The following MFSD12 variants were observed in gnomAD, a reference collection of about 807,000 sequenced individuals.
MFSD12 encodes the protein major facilitator superfamily domain containing 12.
MFSD12 carries 67 observed loss-of-function variants against 51.2 expected under a neutral mutation model. The ratio of observed to expected loss-of-function variants is 1.31; its 90% CI spans 1.08 to 1.60. The LOEUF (loss-of-function observed/expected upper bound fraction) is 1.60. Among genes scored for constraint, MFSD12 ranks in the 40% most tolerant of loss-of-function variants. The pLI is 0.00. For missense variants in MFSD12, 921 were observed against 673.0 expected (o/e 1.37, Z -4.08); for synonymous variants, 441 against 316.7 (o/e 1.39, Z -4.17).
chr19:3,542,463 A>G, downstream of MFSD12: 1 of 985,060 alleles, frequency 1.0e-6, no homozygotes, highest in Non-Finnish European at 1.2e-6. Flanking sequence ...AGCATAAAAC[A>G]TCTTTGAGTC....
At chr19:3,543,219 C>T, downstream of MFSD12, 3 of 1,539,314 alleles carry the variant, frequency 1.9e-6, no homozygotes, top group Non-Finnish European at 1.7e-6. Flanking sequence ...AGTCTCTGCC[C>T]CCTGCCCACC....
At chr19:3,553,504 C>T (rs551437816) in intron 1 of MFSD12, among the ~76,000 whole-genome samples, 1 of 149,696 alleles carries the variant, frequency 6.7e-6, no homozygotes, top group Non-Finnish European at 1.5e-5. Context: ...CGCGGTGGCT[C>T]ACGCCTGTAA....
intron 2 of MFSD12, among the ~76,000 whole-genome samples, chr19:3,549,449 C>T (rs190899762): frequency 1.2e-3 from 183 of 152,192 alleles, no homozygotes; most frequent in African/African-American, 3.6e-3. Context: ...ACTGGCCAGG[C>T]GCGGTGGCTC....
Position 3,546,306 on chromosome 19 carries a change from G to T in MFSD12, c.1143C>A (p.Thr381=). The T allele has an allele frequency of 1.9e-6, 3 of 1,609,922 alleles. No individual in the cohort carries two copies. Among genetic ancestry groups the T allele is most frequent in the South Asian group, 1.1e-5 (1 of 90,696 alleles). The stretch of plus-strand genomic sequence containing the variant: ...TCATGGCCAGCGAGGTGACGAGGAT[G>T]GTGGCACAGCCAGCACCCAGCAGCA... The part of the protein sequence containing the change: ...AAVLLGAGCA[T]ILVTSLAMTA... The change falls in exon 7 of 10, where the codon ACC becomes ACA. Residue 381 remains threonine (T), a synonymous_variant. Transcript: ENST00000355415.
At chr19:3,542,440 A>G, downstream of MFSD12, 2 of 985,418 alleles carry the variant, frequency 2.0e-6, no homozygotes, top group South Asian at 9.4e-5. Flanking sequence ...CATATTCCCA[A>G]GAGCAAGGTC....
At position 3,548,018 on chromosome 19, in the gene MFSD12, GC is replaced by G. The variant is rs1260696820; in HGVS notation, c.666del (p.Leu223TrpfsTer63). 4 of 1,599,514 alleles carry G rather than the reference GC, an allele frequency of 2.5e-6. No homozygotes were observed. Among genetic ancestry groups the G allele is most frequent in the Non-Finnish European group, 3.4e-6 (4 of 1,179,414 alleles). On this transcript the variant is annotated frameshift_variant, in exon 4 of 10. Coordinates refer to ENST00000355415, the MANE Select transcript of MFSD12 (RefSeq NM_174983.5). LOFTEE classifies it high-confidence loss of function. ...AACACGGCGCCGACACCCACCACCA[GC>G]AGGGACAGGTTCTGGGGATGCAGCA... ...QDVPVFRNLS[L>X]LVVGVGAVFS...
At chr19:3,546,958 C>T (rs969746984) in intron 6 of MFSD12, among the ~76,000 whole-genome samples, 3 of 152,112 alleles carry the variant, frequency 2.0e-5, no homozygotes, top group African/African-American at 4.8e-5. Context: ...CTCAGCCTCC[C>T]GAATAGCTGG....
intron 1 of MFSD12, among the ~76,000 whole-genome samples, chr19:3,553,806 G>A (rs1175707887): frequency 6.6e-6 from 1 of 151,468 alleles, no homozygotes; most frequent in Non-Finnish European, 1.5e-5. Context: ...AAGAGGCTGG[G>A]TGCGGTGGCT....
chr19:3,556,033 AGG>A (rs899398682), intron 1 of MFSD12, among the ~76,000 whole-genome samples: 1 of 152,120 alleles, frequency 6.6e-6, no homozygotes, highest in Non-Finnish European at 1.5e-5. Flanking sequence ...CCCCAGACCT[AGG>A]GGGTCCCTGA....
intron 2 of MFSD12, among the ~76,000 whole-genome samples, chr19:3,549,299 C>G (rs2031317100): frequency 1.3e-5 from 2 of 152,216 alleles, no homozygotes; most frequent in Non-Finnish European, 2.9e-5. Context: ...CCCGTGGCAG[C>G]AGCAGCTGTA....
chr19:3,548,367 C>T, intron 2 of MFSD12, 100 bp from the exon 3 acceptor site: 1 of 1,459,794 alleles, frequency 6.9e-7, no homozygotes, highest in East Asian at 2.5e-5. Flanking sequence ...GAACCCCTGA[C>T]TGACAGGTGA....
downstream of MFSD12, chr19:3,543,712 G>A: frequency 6.7e-7 from 1 of 1,502,246 alleles, no homozygotes; most frequent in Non-Finnish European, 8.9e-7. Flanking sequence ...GTCCTTGGGA[G>A]GCCAGGGGGA....
At chr19:3,556,503 C>T (rs1373434313) in intron 1 of MFSD12, among the ~76,000 whole-genome samples, 3 of 151,250 alleles carry the variant, frequency 2.0e-5, no homozygotes. Flanking sequence ...AGGCTCATGG[C>T]TCAGGCAGAT....
downstream of MFSD12, chr19:3,542,767 G>C: frequency 5.9e-6 from 8 of 1,360,426 alleles, no homozygotes; most frequent in Non-Finnish European, 7.8e-6. Flanking sequence ...ACAAGCGTGA[G>C]CCACACACCT....
chr19:3,538,439 C>T, exon 5 of MFSD12: 1 of 319,966 alleles, frequency 3.1e-6, no homozygotes, highest in South Asian at 2.4e-5. Context: ...CACCTAGTCA[C>T]CCCCAGGTCC....
intron 1 of MFSD12, among the ~76,000 whole-genome samples, chr19:3,553,717 A>C (rs1599840471): frequency 1.0e-5 from 1 of 96,252 alleles, no homozygotes; most frequent in Admixed American, 1.4e-4. Flanking sequence ...TTGCAGTGAG[A>C]CTCCATCTCT....
Position 3,557,414 on chromosome 19 carries a change from G to A in MFSD12, c.-11C>T. ...GGGTCCCGGGCCCATCGCGGCGCCG[G>A]GCCCGCGCCCCCCACCCCCGGGCTC... On this transcript the variant is annotated 5_prime_UTR_variant, in exon 1 of 10. Transcript: ENST00000355415. The A allele has an allele frequency of 3.3e-6, 4 of 1,221,298 alleles. No homozygotes were observed. The highest frequency in any genetic ancestry group is 3.1e-6 in the Non-Finnish European group (3 of 976,650). 75.7% of individuals were successfully genotyped at this position (1,221,298 alleles called of 1,614,324 possible). A position where few individuals can be genotyped will look rare whatever the true frequency, so the allele number is the denominator to read the frequency against.
At chr19:3,539,293 G>T, downstream of MFSD12, 4 of 1,314,164 alleles carry the variant, frequency 3.0e-6, no homozygotes, top group Non-Finnish European at 4.2e-6. Context: ...GCCCCTCCCA[G>T]CCCCTCCCTC....
downstream of MFSD12, chr19:3,542,866 G>C: frequency 7.2e-7 from 1 of 1,388,424 alleles, no homozygotes. Context: ...GGCCAGGGGG[G>C]CTTCCCAGAG....
Sources: allele counts gnomAD v4.1 joint callset (sites outside exome capture counted in the v4.1 genomes callset), GRCh38; gene constraint gnomAD v4.1.1; transcripts MANE v1.5; gene names NCBI Gene and HGNC (gene_info 2026-07-23, HGNC 2026-07-21).